Variants in PTPRD observed in about 807,000 individuals in gnomAD.
PTPRD encodes the protein receptor-type tyrosine-protein phosphatase delta.
Under a neutral mutation model 214.5 loss-of-function variants are expected in PTPRD, and 34 were observed. That is an observed-to-expected ratio of 0.16 (90% CI 0.12 to 0.21). PTPRD has a LOEUF of 0.21. Ranked by LOEUF, PTPRD falls within the 10% of genes least tolerant of loss-of-function variation. PTPRD has a pLI of 1.00. For missense variants in PTPRD, 2,545 were observed against 2,398.7 expected (o/e 1.06, Z -1.27); for synonymous variants, 1,128 against 845.7 (o/e 1.33, Z -5.79).
At chr9:10,163,923 G>T (rs1564243861) in intron 3 of PTPRD, among the ~76,000 whole-genome samples, 1 of 151,064 alleles carries the variant, frequency 6.6e-6, no homozygotes, top group Non-Finnish European at 1.5e-5. Context: ...TTCATATTTT[G>T]CCATTTATTT....
intron 2 of PTPRD, among the ~76,000 whole-genome samples, chr9:10,510,262 T>C (rs980554190): frequency 6.6e-6 from 1 of 152,092 alleles, no homozygotes; most frequent in African/African-American, 2.4e-5. Context: ...AATCGTTTTG[T>C]CACAGCCTGC....
At chr9:9,579,735 G>A (rs901201439) in intron 7 of PTPRD, among the ~76,000 whole-genome samples, 5 of 152,112 alleles carry the variant, frequency 3.3e-5, no homozygotes, top group Non-Finnish European at 7.3e-5. Context: ...AGGGGTATAA[G>A]TATAATTTGG....
chr9:9,573,673 T>C (rs1040898642), intron 8 of PTPRD, among the ~76,000 whole-genome samples: 2 of 151,790 alleles, frequency 1.3e-5, no homozygotes, highest in African/African-American at 4.8e-5. Flanking sequence ...ATAAAATTAT[T>C]ACTCAAAGTG....
chr9:8,955,813 T>C (rs2099128582), intron 11 of PTPRD, among the ~76,000 whole-genome samples: 2 of 151,862 alleles, frequency 1.3e-5, no homozygotes, highest in Non-Finnish European at 2.9e-5. Flanking sequence ...ACTCATTAAA[T>C]CATCTTAAAT....
intron 2 of PTPRD, among the ~76,000 whole-genome samples, chr9:10,593,232 G>A (rs555494928): frequency 7.9e-5 from 12 of 152,054 alleles, no homozygotes; most frequent in Non-Finnish European, 1.3e-4. Context: ...AAATAATGGC[G>A]ATAATTCAAA....
intron 11 of PTPRD, among the ~76,000 whole-genome samples, chr9:9,014,186 TGTTTGTTTGTTTG>T (rs1569400657): frequency 1.4e-5 from 1 of 72,010 alleles, no homozygotes; most frequent in Non-Finnish European, 3.3e-5. Flanking sequence ...CGTTTTTTTT[TGTTTGTTTGTTTG>T]TTTTTTTTTT....
intron 7 of PTPRD, among the ~76,000 whole-genome samples, chr9:9,663,899 G>C (rs2096665501): frequency 6.6e-6 from 1 of 151,332 alleles, no homozygotes; most frequent in African/African-American, 2.4e-5. Flanking sequence ...GTACTAGTGT[G>C]GTAGCTGGAT....
At chr9:9,978,687 T>C (rs1457240527) in intron 4 of PTPRD, among the ~76,000 whole-genome samples, 1 of 151,954 alleles carries the variant, frequency 6.6e-6, no homozygotes, top group Non-Finnish European at 1.5e-5. Context: ...ATAGATATAA[T>C]GACTGAGAAT....
At chr9:9,940,271 T>C (rs1212220300) in intron 4 of PTPRD, among the ~76,000 whole-genome samples, 1 of 152,028 alleles carries the variant, frequency 6.6e-6, no homozygotes, top group Non-Finnish European at 1.5e-5. Context: ...AGTCTGAGGA[T>C]AAAGGATAAA....
intron 11 of PTPRD, among the ~76,000 whole-genome samples, chr9:8,938,148 A>T (rs1449915529): frequency 6.6e-6 from 1 of 152,184 alleles, no homozygotes; most frequent in Non-Finnish European, 1.5e-5. Flanking sequence ...AGTACAGGGT[A>T]ACCAATTTGT....
At chr9:9,977,490 T>C (rs2095399511) in intron 4 of PTPRD, among the ~76,000 whole-genome samples, 3 of 152,170 alleles carry the variant, frequency 2.0e-5, no homozygotes, top group Admixed American at 2.0e-4. Flanking sequence ...TTCATAAACA[T>C]ATTATCATAA....
At chr9:9,235,967 A>T (rs906870694) in intron 9 of PTPRD, among the ~76,000 whole-genome samples, 1 of 152,114 alleles carries the variant, frequency 6.6e-6, no homozygotes, top group Non-Finnish European at 1.5e-5. Context: ...GGTTATATTT[A>T]AAAAGAGCAA....
intron 4 of PTPRD, among the ~76,000 whole-genome samples, chr9:9,992,856 G>A (rs1035111281): frequency 5.9e-4 from 89 of 152,054 alleles, no homozygotes; most frequent in African/African-American, 2.0e-3. Context: ...TGTAAATGAC[G>A]AGTTAACGGG....
chr9:9,790,937 C>G (rs73396807), intron 5 of PTPRD, among the ~76,000 whole-genome samples: 1 of 152,072 alleles, frequency 6.6e-6, no homozygotes, highest in Non-Finnish European at 1.5e-5. Context: ...TCAGTTTGAA[C>G]AGGTCCTATG....
intron 22 of PTPRD, among the ~76,000 whole-genome samples, chr9:8,506,477 C>G (rs760434376): frequency 3.9e-5 from 6 of 152,154 alleles, no homozygotes; most frequent in African/African-American, 9.7e-5. Flanking sequence ...GCAGTAGACC[C>G]TAACCGTTAA....
rs55781919 is a variant in PTPRD, at chr9:8,540,876, C to A, written c.353-12097G>T. On this transcript the variant is annotated intron_variant, in intron 14 of 45. Transcript: ENST00000381196. ...CTAAAAAGAGCATTTCACTATTTTACCACATTCAGTAACAGTTTTTATAGT... is the reference window on the plus strand; with the variant it reads ...CTAAAAAGAGCATTTCACTATTTTAACACATTCAGTAACAGTTTTTATAGT... Among the ~76,000 whole-genome samples, 527 of 152,228 alleles carry A rather than the reference C, an allele frequency of 3.5e-3. 1 individual carries two copies. The highest frequency in any genetic ancestry group is 4.4e-3 in the African/African-American group (184 of 41,548).
intron 10 of PTPRD, among the ~76,000 whole-genome samples, chr9:9,104,779 G>A (rs1009737207): frequency 1.3e-5 from 2 of 151,968 alleles, no homozygotes; most frequent in Admixed American, 6.6e-5. Flanking sequence ...TCATTCTATC[G>A]CTCCACATTC....
intron 5 of PTPRD, among the ~76,000 whole-genome samples, chr9:9,770,070 C>A (rs926461717): frequency 6.6e-6 from 1 of 152,144 alleles, no homozygotes; most frequent in Non-Finnish European, 1.5e-5. Context: ...AATAAACATT[C>A]ATGTGCATGT....
chr9:10,388,881 C>G (rs1243596225), intron 2 of PTPRD, among the ~76,000 whole-genome samples: 1 of 151,756 alleles, frequency 6.6e-6, no homozygotes, highest in East Asian at 1.9e-4. Context: ...TAAATGTTAG[C>G]TCTAATAATA....
Sources: gnomAD v4.1 joint callset for allele counts (sites outside exome capture counted in the v4.1 genomes callset) on GRCh38, gnomAD v4.1.1 for gene constraint, MANE v1.5 for transcripts, NCBI Gene and HGNC (gene_info 2026-07-23, HGNC 2026-07-21) for gene names.